TMEM144: variants seen among roughly 807,000 people sequenced by gnomAD.
TMEM144 encodes the protein transmembrane protein 144.
A neutral mutation model predicts 43.6 loss-of-function variants in TMEM144; 39 were observed. The ratio of observed to expected loss-of-function variants is 0.90; its 90% CI spans 0.69 to 1.17. TMEM144 has a LOEUF of 1.17. Ranked by LOEUF, TMEM144 falls within the 50% of genes most tolerant of loss-of-function variation. The pLI is 0.00. For missense variants in TMEM144, 417 were observed against 411.9 expected (o/e 1.01, Z -0.11); for synonymous variants, 154 against 133.6 (o/e 1.15, Z -1.06).
chr4:158,237,678 C>A, intron 9 of TMEM144, 35 bp downstream of exon 9: 1 of 1,345,592 alleles, frequency 7.4e-7, no homozygotes, highest in South Asian at 1.3e-5. Context: ...TTATTAATAT[C>A]TACTTTTTAT....
chr4:158,239,087 T>C (rs1735499162), intron 9 of TMEM144, among the ~76,000 whole-genome samples: 1 of 152,226 alleles, frequency 6.6e-6, no homozygotes, highest in Non-Finnish European at 1.5e-5. Context: ...GTGAGATGAT[T>C]TGTCCAAGTC....
intron 12 of TMEM144, among the ~76,000 whole-genome samples, chr4:158,244,800 T>C (rs967860620): frequency 6.6e-6 from 1 of 152,162 alleles, no homozygotes; most frequent in Non-Finnish European, 1.5e-5. Context: ...ACAGATAAAA[T>C]GTTCAGAATG....
At chr4:158,234,394 G>A (rs1290602011) in intron 7 of TMEM144, 1 of 150,536 alleles carries the variant, frequency 6.6e-6, no homozygotes, top group East Asian at 1.9e-4. Context: ...AAAAAAATGA[G>A]CTGGGTGTGG....
At chr4:158,213,038 T>A in intron 3 of TMEM144, 1 of 537,346 alleles carries the variant, frequency 1.9e-6, no homozygotes, top group Non-Finnish European at 3.3e-6. Context: ...TGGAAGAAAT[T>A]TATAGTCAGT....
At chr4:158,218,802 CTT>C (rs1017001104) in intron 5 of TMEM144, among the ~76,000 whole-genome samples, 1 of 152,094 alleles carries the variant, frequency 6.6e-6, no homozygotes, top group Non-Finnish European at 1.5e-5. Context: ...TTGTAACAAA[CTT>C]ATAAGGTAGG....
Position 158,237,580 on chromosome 4 carries a change from A to C in TMEM144, c.619A>C (p.Ile207Leu). 6.2e-7 allele frequency: 1 copy of C among 1,614,058 alleles called. No individual in the cohort carries two copies. The highest frequency in any genetic ancestry group is 8.5e-7 in the Non-Finnish European group (1 of 1,179,942). ...GVLYGSTFVP[I>L]IYIKDHSKRN... ...ACTCTATGGATCTACATTTGTGCCAATCATCTACATCAAGGACCACAGCAA... is the reference window on the plus strand; with the variant it reads ...ACTCTATGGATCTACATTTGTGCCACTCATCTACATCAAGGACCACAGCAA... The change falls in exon 9 of 13, where the codon ATC becomes CTC. Residue 207 changes from isoleucine to leucine, a missense_variant. Ile to Leu is a conservative substitution (Grantham distance 5). Transcript: ENST00000296529.
At chr4:158,227,928 G>T (rs1319727267) in intron 6 of TMEM144, among the ~76,000 whole-genome samples, 1 of 152,016 alleles carries the variant, frequency 6.6e-6, no homozygotes, top group Non-Finnish European at 1.5e-5. Flanking sequence ...TCCTAGTAGG[G>T]TCAGCTTATC....
intron 3 of TMEM144, among the ~76,000 whole-genome samples, chr4:158,214,850 T>C (rs77499728): frequency 0.029 from 4,490 of 152,254 alleles, 171 homozygotes; most frequent in Admixed American, 0.11. Flanking sequence ...TTGCCATCAC[T>C]CTTGGGCAGA....
At position 158,255,061 on chromosome 4, in the gene TMEM144, A is replaced by C. The variant is rs1736413094; in HGVS notation, c.*1534A>C. The C allele has an allele frequency of 6.6e-6, 1 of 151,916 alleles. No homozygotes were observed. Among genetic ancestry groups the C allele is most frequent in the African/African-American group, 2.4e-5 (1 of 41,396 alleles). 9.4% of individuals were successfully genotyped at this position (151,916 alleles called of 1,614,324 possible). A position where few individuals can be genotyped will look rare whatever the true frequency, so the allele number is the denominator to read the frequency against. On this transcript the variant is annotated 3_prime_UTR_variant, in exon 13 of 13. Coordinates refer to ENST00000296529, the MANE Select transcript of TMEM144 (RefSeq NM_018342.5). Reference sequence around the variant, plus strand: ...TTGAAGGGGAAAAAAGTTTTTGTAGATTGGAGAACACCATGTAAGAGCTAC... The same window carrying C: ...TTGAAGGGGAAAAAAGTTTTTGTAGCTTGGAGAACACCATGTAAGAGCTAC...
In TMEM144 at chr4:158,236,966, G is replaced by A. The variant is rs115618647; in HGVS notation, c.564-559G>A. ...CATTTTCTTTTTTATAAAAAGAAAT[G>A]TTTTGTCTGAAATACCCAGATTATT... is the stretch of plus-strand genomic sequence containing the variant. On this transcript the variant is annotated intron_variant, in intron 8 of 12. Coordinates refer to ENST00000296529, the MANE Select transcript of TMEM144 (RefSeq NM_018342.5). 4.3e-3 allele frequency among the ~76,000 whole-genome samples: 662 copies of A among 152,242 alleles called. 4 individuals are homozygous for A. Among genetic ancestry groups the A allele is most frequent in the Admixed American group, 6.4e-3 (98 of 15,298 alleles).
At position 158,219,363 on chromosome 4, in the gene TMEM144, A is replaced by T. The variant is rs747072367; in HGVS notation, c.386A>T (p.Tyr129Phe). The T allele has an allele frequency of 3.1e-6, 5 of 1,613,826 alleles. No homozygotes were observed. The highest frequency in any genetic ancestry group is 4.2e-6 in the Non-Finnish European group (5 of 1,179,852). ...AEEVSNPLLN[Y>F]IGAGLSVVSA... is the part of the protein sequence containing the mutation. The stretch of plus-strand genomic sequence containing the variant: ...GAAGTATCAAATCCGCTGCTAAATT[A>T]CATTGGAGCTGGGCTATCAGTAGTA... The change falls in exon 6 of 13, where the codon TAC (tyrosine) becomes TTC (phenylalanine). Residue 129 changes from tyrosine to phenylalanine, a missense_variant. Physicochemically the swap from Tyr to Phe is conservative, Grantham distance 22. Transcript: ENST00000296529.
intron 12 of TMEM144, among the ~76,000 whole-genome samples, chr4:158,246,259 A>G (rs1457922709): frequency 1.3e-5 from 2 of 152,170 alleles, no homozygotes; most frequent in Non-Finnish European, 2.9e-5. Context: ...TGATCCAAAG[A>G]CCCCTCCCCA....
intron 7 of TMEM144, chr4:158,233,957 A>T (rs974716898): frequency 4.6e-5 from 7 of 152,206 alleles, no homozygotes; most frequent in African/African-American, 1.7e-4. Context: ...AGGGATCCAG[A>T]CACCTCCTGC....
At chr4:158,238,306 G>A (rs1012361177) in intron 9 of TMEM144, among the ~76,000 whole-genome samples, 5 of 152,168 alleles carry the variant, frequency 3.3e-5, no homozygotes, top group African/African-American at 1.2e-4. Flanking sequence ...GAAAATTAAT[G>A]TGACCTCTGT....
At position 158,232,886 on chromosome 4, in the gene TMEM144, T is replaced by G. The variant is rs749250246; in HGVS notation, c.414-15T>G. On this transcript the variant is annotated splice_polypyrimidine_tract_variant and intron_variant, in intron 6 of 12. Transcript: ENST00000296529. ...GTATTATGATAAATATCACTAAAAT[T>G]TATTTTCCTTACAGTGCTTTCATAT... 1.9e-5 allele frequency: 30 copies of G among 1,585,150 alleles called. No homozygotes were observed. The East Asian group carries it at 3.6e-4, about 19-fold the overall frequency.
intron 12 of TMEM144, among the ~76,000 whole-genome samples, chr4:158,244,774 C>G (rs1735805804): frequency 6.6e-6 from 1 of 152,158 alleles, no homozygotes; most frequent in Non-Finnish European, 1.5e-5. Context: ...GGGCCAACAA[C>G]TCATGAATGG....
chr4:158,233,266 A>G (rs900160045), intron 7 of TMEM144: 2 of 205,814 alleles, frequency 9.7e-6, no homozygotes, highest in East Asian at 1.1e-4. Context: ...GATTCCTACA[A>G]TAGAGGAACC....
At chr4:158,240,159 A>T in intron 9 of TMEM144, 140 bp from the exon 10 acceptor site, 2 of 918,938 alleles carry the variant, frequency 2.2e-6, no homozygotes, top group Non-Finnish European at 3.2e-6. Context: ...TGCTAGGATT[A>T]CAGGTGTGAG....
At chr4:158,249,695 C>T (rs1292231835) in intron 12 of TMEM144, among the ~76,000 whole-genome samples, 1 of 152,162 alleles carries the variant, frequency 6.6e-6, no homozygotes, top group African/African-American at 2.4e-5. Context: ...ACTGAAGACC[C>T]ATTTTTTAAT....
Sources: allele counts gnomAD v4.1 joint callset (sites outside exome capture counted in the v4.1 genomes callset), GRCh38; gene constraint gnomAD v4.1.1; transcripts MANE v1.5; gene names NCBI Gene and HGNC (gene_info 2026-07-23, HGNC 2026-07-21).